The following PTCHD4 variants were observed in gnomAD, a reference collection of about 807,000 sequenced individuals.
The protein encoded by PTCHD4 is patched domain containing 4, also known as patched domain-containing protein 4.
Under a neutral mutation model 58.1 loss-of-function variants are expected in PTCHD4, and 33 were observed. The ratio of observed to expected loss-of-function variants is 0.57; its 90% CI spans 0.43 to 0.76. The LOEUF is 0.76. PTCHD4 is among the 30% of genes least tolerant of loss of function. PTCHD4 has a pLI of 0.00. For synonymous variants in PTCHD4, 478 were observed against 409.6 expected (o/e 1.17, Z -2.02); for missense variants, 1,058 against 1,027.1 (o/e 1.03, Z -0.41).
chr6:48,102,170 C>T (rs1046445584), intron 1 of PTCHD4, among the ~76,000 whole-genome samples: 4 of 152,198 alleles, frequency 2.6e-5, no homozygotes, highest in African/African-American at 7.2e-5. Context: ...ATGTAGCAAA[C>T]TCCTCACTCT....
rs377219163 is a variant in PTCHD4, at chr6:47,879,377, G to A, written c.1458C>T (p.Ala486=). 2.5e-6 allele frequency: 4 copies of A among 1,613,486 alleles called. No homozygotes were observed. In the African/African-American group the frequency reaches 4.0e-5, roughly 16 times the overall value. Residue 486 remains alanine (A), a synonymous_variant, in exon 5 of 5, where the codon GCC becomes GCT. Coordinates refer to ENST00000339488, the MANE Select transcript of PTCHD4 (RefSeq NM_001384253.1). The part of the protein sequence containing the change: ...FMGCLQISDG[A]NIINLLASDS... ...CACTGGCTAGTAGATTGATGATGTT[G>A]GCTCCGTCACTGATCTGTAAGCACC...
chr6:47,953,659 C>T (rs1160684335), intron 4 of PTCHD4, among the ~76,000 whole-genome samples: 3 of 151,886 alleles, frequency 2.0e-5, no homozygotes, highest in Non-Finnish European at 4.4e-5. Flanking sequence ...TATCTCGGTC[C>T]AAAGTGCTTT....
chr6:47,923,067 A>C (rs1363385617), intron 4 of PTCHD4, among the ~76,000 whole-genome samples: 1 of 152,146 alleles, frequency 6.6e-6, no homozygotes, highest in African/African-American at 2.4e-5. Flanking sequence ...CTAGTGCTGG[A>C]CAGGAGTATA....
At chr6:48,092,999 G>T (rs1462129025) in intron 1 of PTCHD4, among the ~76,000 whole-genome samples, 1 of 152,120 alleles carries the variant, frequency 6.6e-6, no homozygotes, top group African/African-American at 2.4e-5. Context: ...ACTATCTGGG[G>T]CTGTGTTGGG....
chr6:48,086,036 A>C (rs980369373), intron 1 of PTCHD4, among the ~76,000 whole-genome samples: 1 of 152,170 alleles, frequency 6.6e-6, no homozygotes, highest in African/African-American at 2.4e-5. Context: ...TAAAAAAAAA[A>C]GTGGTACAGC....
intron 1 of PTCHD4, among the ~76,000 whole-genome samples, chr6:48,094,600 G>A (rs1765425392): frequency 6.6e-6 from 1 of 152,188 alleles, no homozygotes; most frequent in South Asian, 2.1e-4. Context: ...AATACTTGAG[G>A]ATAGCTTTTC....
At chr6:48,007,177 T>C (rs1295010112) in intron 4 of PTCHD4, among the ~76,000 whole-genome samples, 1 of 151,996 alleles carries the variant, frequency 6.6e-6, no homozygotes, top group African/African-American at 2.4e-5. Context: ...GCAAGAGAGG[T>C]TGCAGTGAGT....
chr6:48,104,053 C>A (rs964063665), intron 1 of PTCHD4, among the ~76,000 whole-genome samples: 5 of 152,140 alleles, frequency 3.3e-5, no homozygotes, highest in African/African-American at 1.2e-4. Flanking sequence ...GAGAACTTCC[C>A]CAATCTAGCA....
chr6:48,060,948 C>T (rs1174926962), intron 3 of PTCHD4, among the ~76,000 whole-genome samples: 1 of 152,204 alleles, frequency 6.6e-6, no homozygotes, highest in East Asian at 1.9e-4. Flanking sequence ...GCCCTGAATT[C>T]ATCTCAATGA....
chr6:47,911,629 C>T (rs528278316), intron 4 of PTCHD4, among the ~76,000 whole-genome samples: 1 of 152,178 alleles, frequency 6.6e-6, no homozygotes, highest in East Asian at 1.9e-4. Flanking sequence ...TTGGTAAAGA[C>T]TTAATGAGGA....
chr6:47,979,181 A>G (rs1171602630), intron 4 of PTCHD4, among the ~76,000 whole-genome samples: 1 of 152,088 alleles, frequency 6.6e-6, no homozygotes, highest in African/African-American at 2.4e-5. Context: ...GGTTGTGGGG[A>G]TAGGGATTCA....
At position 48,008,638 on chromosome 6, in the gene PTCHD4, G is replaced by C; in HGVS notation, c.894C>G (p.Ala298=). 1 of 1,612,566 alleles carries C rather than the reference G, an allele frequency of 6.2e-7. No homozygotes were observed. Among genetic ancestry groups the C allele is most frequent in the Non-Finnish European group, 8.5e-7 (1 of 1,179,204 alleles). ...NSTLLGIPFF[A]MGHGTKGVFE... is the part of the protein sequence containing the mutation. The stretch of plus-strand genomic sequence containing the variant: ...ACCACAAGGATGGATAGTTACCCAT[G>C]GCGAAGAACGGGATTCCCAGCAGGG... Residue 298 remains alanine, a synonymous_variant, in exon 4 of 5, where the codon GCC becomes GCG. Coordinates refer to ENST00000339488, the MANE Select transcript of PTCHD4 (RefSeq NM_001384253.1).
intron 4 of PTCHD4, among the ~76,000 whole-genome samples, chr6:48,000,583 C>A (rs1768683439): frequency 6.6e-6 from 1 of 152,108 alleles, no homozygotes; most frequent in South Asian, 2.1e-4. Context: ...TTCCACAAAC[C>A]AACACCTCCT....
At chr6:47,944,811 A>T (rs1766355881) in intron 4 of PTCHD4, among the ~76,000 whole-genome samples, 1 of 152,148 alleles carries the variant, frequency 6.6e-6, no homozygotes, top group Non-Finnish European at 1.5e-5. Flanking sequence ...CGGAAATACA[A>T]TGGAGAACAA....
intron 3 of PTCHD4, among the ~76,000 whole-genome samples, chr6:48,033,565 G>A (rs1027516127): frequency 1.3e-5 from 2 of 151,714 alleles, no homozygotes; most frequent in African/African-American, 4.8e-5. Flanking sequence ...CAGGCCATAT[G>A]TATGGCCTTT....
intron 4 of PTCHD4, among the ~76,000 whole-genome samples, chr6:47,938,244 A>T (rs1392336379): frequency 6.6e-6 from 1 of 152,216 alleles, no homozygotes; most frequent in East Asian, 1.9e-4. Flanking sequence ...AGGACTGAGG[A>T]TTAATCATTG....
intron 4 of PTCHD4, among the ~76,000 whole-genome samples, chr6:47,937,878 C>T (rs547072524): frequency 8.7e-4 from 133 of 152,140 alleles, no homozygotes; most frequent in African/African-American, 2.9e-3. Flanking sequence ...TTTGGCTGGG[C>T]GGGTTGGCTC....
intron 4 of PTCHD4, among the ~76,000 whole-genome samples, chr6:48,006,546 C>G (rs1427665197): frequency 2.0e-5 from 3 of 152,092 alleles, no homozygotes; most frequent in African/African-American, 7.2e-5. Flanking sequence ...TCTTATAAAT[C>G]TTATTATTTC....
chr6:47,963,008 A>T (rs1767155204), intron 4 of PTCHD4, among the ~76,000 whole-genome samples: 1 of 151,624 alleles, frequency 6.6e-6, no homozygotes, highest in African/African-American at 2.4e-5. Context: ...AAAATACTGT[A>T]CTCCCAGCTA....
Sources: allele counts gnomAD v4.1 joint callset (sites outside exome capture counted in the v4.1 genomes callset), GRCh38; gene constraint gnomAD v4.1.1; transcripts MANE v1.5; gene names NCBI Gene and HGNC (gene_info 2026-07-23, HGNC 2026-07-21).